Variants in EZH1 observed in about 807,000 individuals in gnomAD.
EZH1 encodes the protein enhancer of zeste 1 polycomb repressive complex 2 subunit, also known as histone-lysine N-methyltransferase EZH1.
Under a neutral mutation model 100.5 loss-of-function variants are expected in EZH1, and 33 were observed. That is an observed-to-expected ratio of 0.33 (90% confidence interval 0.25 to 0.44). The LOEUF is 0.44. Among genes scored for constraint, EZH1 ranks in the 20% least tolerant of loss-of-function variants. EZH1 has a pLI of 1.00. For missense variants in EZH1, 475 were observed against 928.4 expected (o/e 0.51, Z 6.35); for synonymous variants, 272 against 313.8 (o/e 0.87, Z 1.41).
intron 6 of EZH1, among the ~76,000 whole-genome samples, chr17:42,720,785 G>A (rs1201674466): frequency 6.6e-6 from 1 of 151,990 alleles, no homozygotes; most frequent in African/African-American, 2.4e-5. Flanking sequence ...TCAGCCTCCC[G>A]AGTAGCTGAG....
At chr17:42,720,942 T>C (rs1046030375) in intron 6 of EZH1, among the ~76,000 whole-genome samples, 4 of 152,186 alleles carry the variant, frequency 2.6e-5, no homozygotes, top group African/African-American at 9.6e-5. Flanking sequence ...TGACCCACCG[T>C]GCCCAGCCAT....
At chr17:42,735,978 G>A (rs1372189403) in intron 1 of EZH1, among the ~76,000 whole-genome samples, 2 of 150,994 alleles carry the variant, frequency 1.3e-5, no homozygotes, top group East Asian at 1.9e-4. Flanking sequence ...GCGAGACTCC[G>A]TCTCAAAAAA....
rs773742282 is a variant in EZH1 at position 42,720,287 on chromosome 17, C to T, written c.650G>A (p.Arg217Gln). Residue 217 changes from arginine (R) to glutamine (Q), a missense_variant, in exon 7 of 21, where the codon CGA becomes CAA. Arg to Gln is a conservative substitution (Grantham distance 43). Transcript: ENST00000428826. ...EDLPVTRKRK[R>Q]HAIEGNKKSS... is the part of the protein sequence containing the mutation. ...GTGCTACGTACCTTCAATAGCATGT[C>T]GCTTTCTCTTTCTTGTTACTGGCAG... 7.4e-6 allele frequency: 12 copies of T among 1,613,330 alleles called. No individual in the cohort carries two copies. Among genetic ancestry groups the T allele is most frequent in the Middle Eastern group, 1.6e-4 (1 of 6,084 alleles).
At position 42,719,194 on chromosome 17, in the gene EZH1, A is replaced by T. The variant is rs746226793; in HGVS notation, c.678T>A (p.Ser226Arg). 1.1e-5 allele frequency: 18 copies of T among 1,613,236 alleles called. No individual in the cohort carries two copies. The highest frequency in any genetic ancestry group is 1.3e-5 in the Non-Finnish European group (15 of 1,179,634). The part of the protein sequence containing the change: ...KRHAIEGNKK[S>R]SKKQFPNDMI... ...TGTCATTTGGGAACTGTTTCTTGGA[A>T]CTCTTTTTGTTGCCTGAATTGGAAA... Residue 226 changes from serine to arginine, a missense_variant, in exon 8 of 21, where the codon AGT (serine) becomes AGA (arginine). Coordinates refer to ENST00000428826, the MANE Select transcript of EZH1 (RefSeq NM_001991.5).
chr17:42,723,982 C>T (rs1315109707), intron 5 of EZH1, among the ~76,000 whole-genome samples: 1 of 152,148 alleles, frequency 6.6e-6, no homozygotes, highest in Non-Finnish European at 1.5e-5. Context: ...GCTCAAGCCT[C>T]AAGAGTCTGA....
chr17:42,703,714 C>G lies in EZH1; in HGVS notation c.2098+26G>C, dbSNP rs183481117. The G allele has an allele frequency of 4.4e-4, 692 of 1,567,228 alleles. 2 individuals carry two copies. In the African/African-American group the frequency reaches 7.9e-3, roughly 18 times the overall value. ...AGTAAAGAGGCATCCATCCCCCACC[C>G]CACCTCCCAGGTTACTGGGACTCAC... On this transcript the variant is annotated intron_variant, in intron 19 of 20. Transcript: ENST00000428826.
rs370122493 is a variant in EZH1, at chr17:42,728,979, C to G, written c.-11-27G>C. On this transcript the variant is annotated intron_variant, in intron 2 of 20. Transcript: ENST00000428826. ...TAAGAGAGACAGAGATGAGAAATAG[C>G]ATTTTATTGCCTGGAAATAAAGCAT... 1.1e-5 allele frequency: 17 copies of G among 1,484,294 alleles called. No homozygotes were observed. In the African/African-American group the frequency reaches 2.2e-4, roughly 19 times the overall value. The allele number at this position is 1,484,294 out of a possible 1,614,324, so 91.9% of individuals were successfully genotyped here.
chr17:42,737,233 G>A (rs2054082936), intron 1 of EZH1, among the ~76,000 whole-genome samples: 2 of 152,270 alleles, frequency 1.3e-5, no homozygotes, highest in African/African-American at 4.8e-5. Context: ...TGATCCACCC[G>A]CCTTGGCCTC....
intron 4 of EZH1, among the ~76,000 whole-genome samples, chr17:42,726,183 C>CTT (rs1374975364): frequency 0.024 from 2,294 of 96,784 alleles, 82 homozygotes; most frequent in African/African-American, 0.078. Flanking sequence ...CCAGCTTCTG[C>CTT]TTTTTTTTTT....
intron 1 of EZH1, among the ~76,000 whole-genome samples, chr17:42,738,885 CT>C (rs1404518087): frequency 7.2e-5 from 11 of 151,824 alleles, no homozygotes; most frequent in Admixed American, 2.0e-4. Flanking sequence ...TCCACCCCCC[CT>C]GAGTAGCTGG....
chr17:42,705,012 G>A, intron 17 of EZH1, 76 bp downstream of exon 17: 1 of 1,262,002 alleles, frequency 7.9e-7, no homozygotes, highest in Non-Finnish European at 1.2e-6. Flanking sequence ...ATTCAAAGAA[G>A]CCTGGCCCAC....
chr17:42,704,812 G>A, intron 17 of EZH1, 129 bp from the exon 18 acceptor site: 1 of 747,058 alleles, frequency 1.3e-6, no homozygotes, highest in Non-Finnish European at 2.2e-6. Context: ...AGAATCACAA[G>A]AGAGCAAGTT....
At chr17:42,710,309 G>A (rs1482668091) in intron 12 of EZH1, among the ~76,000 whole-genome samples, 1 of 152,180 alleles carries the variant, frequency 6.6e-6, no homozygotes, top group Non-Finnish European at 1.5e-5. Context: ...AGGCAGGACA[G>A]GACAGGACAG....
chr17:42,702,900 G>T lies in EZH1; in HGVS notation c.2160C>A (p.Gly720=). 22 of 1,614,028 alleles carry T rather than the reference G, an allele frequency of 1.4e-5. No homozygotes were observed. The highest frequency in any genetic ancestry group is 1.8e-5 in the Non-Finnish European group (21 of 1,180,018). Residue 720 remains glycine (G), a synonymous_variant, in exon 20 of 21, where the codon GGC becomes GGA. Coordinates refer to ENST00000428826, the MANE Select transcript of EZH1 (RefSeq NM_001991.5). ...GIFAKRAIQA[G]EELFFDYRYS... ...ACCTGTAATCAAAGAAGAGCTCTTC[G>T]CCAGCTTGAATTGCCCTCTTGGCAA...
intron 1 of EZH1, among the ~76,000 whole-genome samples, chr17:42,744,535 C>A (rs1597877580): frequency 6.6e-6 from 1 of 152,160 alleles, no homozygotes; most frequent in Non-Finnish European, 1.5e-5. Context: ...TAGTCCCGGC[C>A]TTGTTTTTAC....
At chr17:42,705,579 G>A (rs1335730069) in intron 16 of EZH1, 3 of 184,066 alleles carry the variant, frequency 1.6e-5, no homozygotes, top group Admixed American at 1.2e-4. Flanking sequence ...GAGTGCAGTG[G>A]TGCGATCTCG....
rs1308193920 is a variant in EZH1, at chr17:42,728,792, TA to T, written c.117+32del. 13 of 1,603,110 alleles carry T rather than the reference TA, an allele frequency of 8.1e-6. No homozygotes were observed. In the Admixed American group the frequency reaches 1.7e-4, roughly 21 times the overall value. On this transcript the variant is annotated intron_variant, in intron 3 of 20. Transcript: ENST00000428826. ...TTTACACTGGGTCAGTATATTGAAA[TA>T]TATAAACTTTCACTTGGGAATTATT... is the stretch of plus-strand genomic sequence containing the variant.
rs5820471 is a variant in EZH1 at position 42,710,782 on chromosome 17, CT to C, written c.1402-846del. 9.2e-3 allele frequency among the ~76,000 whole-genome samples: 989 copies of C among 107,568 alleles called. 3 individuals are homozygous for C. The highest frequency in any genetic ancestry group is 0.03 in the African/African-American group (780 of 26,062). 70.6% of individuals were successfully genotyped at this position (107,568 alleles called of 152,430 possible). A position where few individuals can be genotyped will look rare whatever the true frequency, so the allele number is the denominator to read the frequency against. On this transcript the variant is annotated intron_variant, in intron 12 of 20. Coordinates refer to ENST00000428826, the MANE Select transcript of EZH1 (RefSeq NM_001991.5). ...GAGTACTAGGACTACAGGTACGTGG[CT>C]TTTTTTTTTTTTTTTTTTTTGTAGA...
In EZH1 at chr17:42,718,760, T is replaced by C. The variant is rs138335379; in HGVS notation, c.768-143A>G. The C allele has an allele frequency of 2.6e-6, 2 of 777,672 alleles. No individual in the cohort carries two copies. The highest frequency in any genetic ancestry group is 2.7e-5 in the East Asian group (1 of 37,552). 48.2% of individuals were successfully genotyped at this position (777,672 alleles called of 1,614,324 possible). A position where few individuals can be genotyped will look rare whatever the true frequency, so the allele number is the denominator to read the frequency against. On this transcript the variant is annotated intron_variant, in intron 8 of 20. Transcript: ENST00000428826. This position sits in a 1 kb window ranked among gnomAD's most constrained non-coding sequence, Gnocchi z 4.2. ...ATAGGTCTGGTTGATAAGAGAATGG[T>C]AGATAACTAGAGTGGGTCCACCATT...
Sources: allele counts gnomAD v4.1 joint callset (sites outside exome capture counted in the v4.1 genomes callset), GRCh38; gene constraint gnomAD v4.1.1; non-coding constraint Gnocchi (gnomAD v3.1); transcripts MANE v1.5; gene names NCBI Gene and HGNC (gene_info 2026-07-23, HGNC 2026-07-21).